TMEM37: variants seen among roughly 807,000 people sequenced by gnomAD.
TMEM37 encodes voltage-dependent calcium channel gamma-like subunit.
TMEM37 carries 12 observed loss-of-function variants against 11.0 expected under a neutral mutation model. The ratio of observed to expected loss-of-function variants is 1.09; its 90% confidence interval spans 0.70 to 1.76. The LOEUF (loss-of-function observed/expected upper bound fraction) is 1.76. TMEM37 is among the 40% of genes most tolerant of loss of function. The pLI is 0.00. For synonymous variants in TMEM37, 127 were observed against 110.5 expected, an observed-to-expected ratio of 1.15 and a Z score of -0.94; for missense variants, 203 against 251.2, an observed-to-expected ratio of 0.81 and a Z score of 1.30.
chr2:119,433,265 C>T (rs1682438766), intron 1 of TMEM37, among the ~76,000 whole-genome samples: 1 of 152,242 alleles, frequency 6.6e-6, no homozygotes, highest in African/African-American at 2.4e-5. Flanking sequence ...GATGATAACT[C>T]TTCATCCCCA....
chr2:119,432,808 G>C (rs886479302), intron 1 of TMEM37, among the ~76,000 whole-genome samples: 1 of 152,150 alleles, frequency 6.6e-6, no homozygotes, highest in African/African-American at 2.4e-5. Context: ...CAGAAGTAAG[G>C]TGCCCTCCGT....
At chr2:119,430,502 T>A (rs1208243855), upstream of TMEM37, 1 of 466,420 alleles carries the variant, frequency 2.1e-6, no homozygotes, top group African/African-American at 2.0e-5. Flanking sequence ...GCTCCAGGAC[T>A]GGGGTAAAGG....
intron 1 of TMEM37, chr2:119,432,226 C>T (rs917659273): frequency 1.2e-5 from 4 of 329,488 alleles, no homozygotes; most frequent in African/African-American, 8.6e-5. Flanking sequence ...TTTTTCTTCT[C>T]TTTGGTGTCA....
At chr2:119,436,216 C>T (rs1263959772) in intron 1 of TMEM37, among the ~76,000 whole-genome samples, 2 of 152,178 alleles carry the variant, frequency 1.3e-5, no homozygotes, top group Non-Finnish European at 2.9e-5. Context: ...CTGCAATGGC[C>T]TTCCCATGCC....
rs112573313 is a variant in TMEM37, at chr2:119,434,457, A to ATTTT, written c.22-2421_22-2418dup. On this transcript the variant is annotated intron_variant, in intron 1 of 1. Coordinates refer to ENST00000306406, the MANE Select transcript of TMEM37 (RefSeq NM_183240.3). ...CCTTTGGTTTCTTTCTTACCGGTAG[A>ATTTT]TTTTTTTTTTTTTTGTAATAAAATG... Among the ~76,000 whole-genome samples the ATTTT allele has an allele frequency of 7.2e-3, 1,048 of 144,740 alleles. 7 individuals carry two copies. The highest frequency in any genetic ancestry group is 0.025 in the African/African-American group (990 of 39,592). 95.0% of individuals were successfully genotyped at this position (144,740 alleles called of 152,430 possible).
At position 119,437,201 on chromosome 2, in the gene TMEM37, T is replaced by A. The variant is rs774242962; in HGVS notation, c.334T>A (p.Ser112Thr). The A allele has an allele frequency of 1.9e-6, 3 of 1,614,118 alleles. No individual in the cohort carries two copies. Among genetic ancestry groups the A allele is most frequent in the East Asian group, 4.5e-5 (2 of 44,894 alleles). ...TTTTGGCCTGGAGTTCCTCATGGTG[T>A]CCCAGTTGTGCGAGGACAAACACTC... ...AIFGLEFLMV[S>T]QLCEDKHSQC... is the part of the protein sequence containing the mutation. The change falls in exon 2 of 2, where the codon TCC becomes ACC. Residue 112 changes from serine (S) to threonine (T), a missense_variant. By Grantham distance (58) the Ser-to-Thr change is moderately conservative. Coordinates refer to ENST00000306406, the MANE Select transcript of TMEM37 (RefSeq NM_183240.3).
chr2:119,436,733 A>G (rs1188330205), intron 1 of TMEM37, among the ~76,000 whole-genome samples, 156 bp from the exon 2 acceptor site: 2 of 152,138 alleles, frequency 1.3e-5, no homozygotes, highest in Non-Finnish European at 1.5e-5. Flanking sequence ...GTTCCCCCCA[A>G]ACGGTGGGTC....
chr2:119,436,922 C>G lies in TMEM37; in HGVS notation c.55C>G (p.Arg19Gly). Residue 19 changes from arginine (R) to glycine (G), a missense_variant, in exon 2 of 2, where the codon CGG (arginine) becomes GGG (glycine). Arg to Gly is a moderately radical substitution (Grantham distance 125). Transcript: ENST00000306406. ...QRPLGQRQPR[R>G]SFFESFIRTL... ...GCCTTTGGGCCAAAGGCAGCCCCGC[C>G]GGTCCTTCTTTGAATCCTTCATCCG... is the stretch of plus-strand genomic sequence containing the variant. The G allele has an allele frequency of 1.2e-6, 2 of 1,614,150 alleles. No homozygotes were observed. The highest frequency in any genetic ancestry group is 3.3e-4 in the Middle Eastern group (2 of 6,058).
chr2:119,437,248 T>C lies in TMEM37; in HGVS notation c.381T>C (p.Gly127=), dbSNP rs765937030. 1.4e-5 allele frequency: 22 copies of C among 1,614,070 alleles called. No individual in the cohort carries two copies. The highest frequency in any genetic ancestry group is 2.5e-6 in the Non-Finnish European group (3 of 1,180,030). Residue 127 remains glycine, a synonymous_variant, in exon 2 of 2, where the codon GGT becomes GGC. Transcript: ENST00000306406. ...DKHSQCKWVM[G]SILLLVSFVL... The stretch of plus-strand genomic sequence containing the variant: ...ACTCACAGTGCAAGTGGGTCATGGG[T>C]TCCATCCTCCTCCTGGTGTCTTTCG...
chr2:119,431,549 C>G (rs1318177268), upstream of TMEM37, among the ~76,000 whole-genome samples: 1 of 152,236 alleles, frequency 6.6e-6, no homozygotes, highest in Non-Finnish European at 1.5e-5. Flanking sequence ...TCCCAGCCCT[C>G]GAGGAATCTG....
rs1026132513 is a variant in TMEM37, at chr2:119,438,166, G to T, written c.*726G>T. On this transcript the variant is annotated 3_prime_UTR_variant, in exon 2 of 2. Transcript: ENST00000306406. ...CTATCAGAACCCTACCTTAAGGTGG[G>T]TTTCCTTCCGAGAAGAGTTCTTGAG... is the stretch of plus-strand genomic sequence containing the variant. The T allele has an allele frequency of 3.3e-5, 5 of 152,178 alleles. No homozygotes were observed. Among genetic ancestry groups the T allele is most frequent in the Non-Finnish European group, 5.9e-5 (4 of 68,038 alleles). 9.4% of individuals were successfully genotyped at this position (152,178 alleles called of 1,614,324 possible).
chr2:119,431,531 C>G (rs1682393291), upstream of TMEM37, among the ~76,000 whole-genome samples: 1 of 152,250 alleles, frequency 6.6e-6, no homozygotes, highest in African/African-American at 2.4e-5. Flanking sequence ...CTCAGGCCCT[C>G]GTCGCCGTCC....
upstream of TMEM37, chr2:119,430,166 C>A (rs574752297): frequency 6.3e-6 from 4 of 638,792 alleles, no homozygotes; most frequent in Admixed American, 2.6e-5. Context: ...CAGGTGGGGG[C>A]CACGGAGGGA....
chr2:119,436,771 C>T (rs974685517), intron 1 of TMEM37, 118 bp from the exon 2 acceptor site: 2 of 846,234 alleles, frequency 2.4e-6, no homozygotes, highest in Non-Finnish European at 3.7e-6. Flanking sequence ...CACAGGAGAC[C>T]AAGCAGAGAA....
rs1423000801 is a variant in TMEM37 at position 119,431,935 on chromosome 2, C to T, written c.21+11C>T. The T allele has an allele frequency of 8.2e-6, 10 of 1,224,618 alleles. No homozygotes were observed. The highest frequency in any genetic ancestry group is 1.0e-5 in the Non-Finnish European group (10 of 983,184). The allele number at this position is 1,224,618 out of a possible 1,614,324, so 75.9% of individuals were successfully genotyped here. A position where few individuals can be genotyped will look rare whatever the true frequency, so the allele number is the denominator to read the frequency against. On this transcript the variant is annotated intron_variant, in intron 1 of 1. Transcript: ENST00000306406. ...GCCGTCGGCGTGCAGGTAGCCGGCG[C>T]CTGGCGGGGCGCTGACCCGGGGTGC...
At chr2:119,430,040 C>A, upstream of TMEM37, 4 of 1,430,178 alleles carry the variant, frequency 2.8e-6, no homozygotes, top group Non-Finnish European at 3.8e-6. Context: ...ATTCTTAGGG[C>A]TCAGTGAAAG....
chr2:119,436,832 T>G, intron 1 of TMEM37, 57 bp from the exon 2 acceptor site: 2 of 1,424,248 alleles, frequency 1.4e-6, no homozygotes, highest in Non-Finnish European at 1.9e-6. Flanking sequence ...CCTGCAGAGG[T>G]TCCTGGGGGC....
At position 119,437,254 on chromosome 2, in the gene TMEM37, C is replaced by T; in HGVS notation, c.387C>T (p.Ile129=). 1 of 1,614,244 alleles carries T rather than the reference C, an allele frequency of 6.2e-7. No individual in the cohort carries two copies. The highest frequency in any genetic ancestry group is 8.5e-7 in the Non-Finnish European group (1 of 1,180,050). The part of the protein sequence containing the change: ...HSQCKWVMGS[I]LLLVSFVLSS... Reference sequence around the variant, plus strand: ...AGTGCAAGTGGGTCATGGGTTCCATCCTCCTCCTGGTGTCTTTCGTCCTCT... The same window carrying T: ...AGTGCAAGTGGGTCATGGGTTCCATTCTCCTCCTGGTGTCTTTCGTCCTCT... The change falls in exon 2 of 2, where the codon ATC becomes ATT. Residue 129 remains isoleucine (I), a synonymous_variant. Coordinates refer to ENST00000306406, the MANE Select transcript of TMEM37 (RefSeq NM_183240.3).
upstream of TMEM37, among the ~76,000 whole-genome samples, chr2:119,431,566 A>G (rs996130431): frequency 6.6e-6 from 1 of 152,206 alleles, no homozygotes; most frequent in African/African-American, 2.4e-5. Context: ...TCTGCGCCCC[A>G]GGCGAAGCTG....
Sources: gnomAD v4.1 joint callset for allele counts (sites outside exome capture counted in the v4.1 genomes callset) on GRCh38, gnomAD v4.1.1 for gene constraint, MANE v1.5 for transcripts, NCBI Gene and HGNC (gene_info 2026-07-23, HGNC 2026-07-21) for gene names.